The following MYO9A variants were observed in gnomAD, a reference collection of about 807,000 sequenced individuals.
The protein encoded by MYO9A is myosin IXA, also known as unconventional myosin-IXa.
MYO9A carries 103 observed loss-of-function variants against 293.3 expected under a neutral mutation model. The ratio of observed to expected loss-of-function variants is 0.35; its 90% confidence interval spans 0.30 to 0.41. The LOEUF (loss-of-function observed/expected upper bound fraction) is 0.41. MYO9A is among the 10% of genes least tolerant of loss of function. The probability of loss-of-function intolerance (pLI) is 1.00; values close to 1 mark genes in which losing one functional copy is unlikely to be tolerated. For missense variants in MYO9A, 2,685 were observed against 3,033.0 expected, an observed-to-expected ratio of 0.89 and a Z score of 2.69; for synonymous variants, 1,001 against 1,035.7, an observed-to-expected ratio of 0.97 and a Z score of 0.64.
intron 1 of MYO9A, among the ~76,000 whole-genome samples, chr15:72,080,780 A>G (rs2079521279): frequency 6.6e-6 from 1 of 151,844 alleles, no homozygotes; most frequent in South Asian, 2.1e-4. Context: ...CACCTCATCA[A>G]TTAGCTTCCA....
chr15:71,879,786 C>A lies in MYO9A; in HGVS notation c.5674G>T (p.Val1892Leu). The A allele has an allele frequency of 6.2e-7, 1 of 1,613,784 alleles. No individual in the cohort carries two copies. The highest frequency in any genetic ancestry group is 8.5e-7 in the Non-Finnish European group (1 of 1,179,846). The change falls in exon 30 of 42, where the codon GTA becomes TTA. Residue 1892 changes from valine (V) to leucine (L), a missense_variant. Around this residue, in one of 10 missense-constraint regions of MYO9A, gnomAD observed 1,434 missense variants for 1,497.7 expected, o/e 0.96. Coordinates refer to ENST00000356056, the MANE Select transcript of MYO9A (RefSeq NM_006901.4). ...AATTCCTTCAGGGCTTTTTTAAATA[C>A]AACATCCACTAGTGTATCCTTCTTG... ...DSKKDTLVDV[V>L]FKKALKEFRQ...
At chr15:72,059,867 G>A (rs1262262010) in intron 1 of MYO9A, among the ~76,000 whole-genome samples, 1 of 152,130 alleles carries the variant, frequency 6.6e-6, no homozygotes, top group East Asian at 1.9e-4. Flanking sequence ...TTTAAAAATT[G>A]GATAGTATAA....
intron 25 of MYO9A, 36 bp from the exon 26 acceptor site, chr15:71,893,814 T>C (rs764512292): frequency 7.7e-5 from 120 of 1,549,138 alleles, no homozygotes; most frequent in Non-Finnish European, 1.0e-4. Context: ...TTTCAGTTCT[T>C]AGCAGATATC....
At chr15:72,041,139 G>C (rs1481628859) in intron 2 of MYO9A, 1 of 709,236 alleles carries the variant, frequency 1.4e-6, no homozygotes, top group Non-Finnish European at 2.5e-6. Context: ...CACCTATTTG[G>C]GAGGCTGAGG....
chr15:71,986,064 A>C (rs2076400473), intron 11 of MYO9A, among the ~76,000 whole-genome samples: 1 of 152,238 alleles, frequency 6.6e-6, no homozygotes, highest in Non-Finnish European at 1.5e-5. Context: ...TTGGCCCTCC[A>C]TATCTGCAAA....
intron 2 of MYO9A, among the ~76,000 whole-genome samples, chr15:72,034,847 C>T (rs942093405): frequency 6.6e-6 from 1 of 152,230 alleles, no homozygotes; most frequent in African/African-American, 2.4e-5. Context: ...CCCAAGGCTA[C>T]AATGTCAACA....
chr15:71,985,005 C>T (rs1013308609), intron 11 of MYO9A, among the ~76,000 whole-genome samples: 17 of 152,122 alleles, frequency 1.1e-4, no homozygotes, highest in East Asian at 9.6e-4. Flanking sequence ...CTGCAACCTC[C>T]GCCTCCTGGG....
intron 14 of MYO9A, chr15:71,958,857 G>C (rs1237303792): frequency 1.3e-5 from 2 of 152,138 alleles, no homozygotes; most frequent in Non-Finnish European, 2.9e-5. Flanking sequence ...GTAACAACTA[G>C]CTTTCACAAA....
intron 31 of MYO9A, 137 bp downstream of exon 31, chr15:71,877,903 C>T (rs772274558): frequency 1.5e-6 from 1 of 672,334 alleles, no homozygotes; most frequent in Non-Finnish European, 2.4e-6. Flanking sequence ...TAAAGTGGCG[C>T]TAAGTTGACA....
At chr15:72,086,467 G>C (rs990902795) in intron 1 of MYO9A, among the ~76,000 whole-genome samples, 3 of 152,130 alleles carry the variant, frequency 2.0e-5, no homozygotes, top group African/African-American at 7.2e-5. Flanking sequence ...AGGGCTGAAA[G>C]GCTCTGTGCC....
At chr15:71,908,503 T>C (rs2057737738) in intron 19 of MYO9A, among the ~76,000 whole-genome samples, 1 of 152,218 alleles carries the variant, frequency 6.6e-6, no homozygotes, top group Admixed American at 6.5e-5. Context: ...AGCATTTACA[T>C]TGTTAATAAT....
At position 71,899,687 on chromosome 15, in the gene MYO9A, C is replaced by G; in HGVS notation, c.3470G>C (p.Arg1157Thr). 1 of 1,608,810 alleles carries G rather than the reference C, an allele frequency of 6.2e-7. No individual in the cohort carries two copies. Among genetic ancestry groups the G allele is most frequent in the Non-Finnish European group, 8.5e-7 (1 of 1,177,432 alleles). ...CAATTATTATAGTAATAGAGATTACCTTTGTCTTGCTCTGAATCCTCTACA... is the reference window on the plus strand; with the variant it reads ...CAATTATTATAGTAATAGAGATTACGTTTGTCTTGCTCTGAATCCTCTACA... ...STCRGFRARQ[R>T]FKALKEQRLR... Residue 1157 changes from arginine to threonine, a missense_variant and splice_region_variant, in exon 24 of 42, where the codon AGA becomes ACA. Physicochemically the swap from Arg to Thr is moderately conservative, Grantham distance 71 (BLOSUM62 -1). This residue lies in a region of MYO9A where 1,434 missense variants were observed against 1,497.7 expected (regional missense o/e 0.96). Coordinates refer to ENST00000356056, the MANE Select transcript of MYO9A (RefSeq NM_006901.4).
chr15:71,899,728 G>A lies in MYO9A; in HGVS notation c.3429C>T (p.Ile1143=), dbSNP rs150655401. Residue 1143 remains isoleucine, a synonymous_variant, in exon 24 of 42, where the codon ATC becomes ATT. Coordinates refer to ENST00000356056, the MANE Select transcript of MYO9A (RefSeq NM_006901.4). ...ATCCTCTACATGTTGATTGCAAAAG[G>A]ATAATTTTTTTCCTTTGTTCTTGGT... ...KRYQEQRKKI[I]LLQSTCRGFR... 3.2e-4 allele frequency: 522 copies of A among 1,613,970 alleles called. 1 individual carries two copies. The African/African-American group carries it at 5.2e-3, about 16-fold the overall frequency.
chr15:71,910,493 T>A (rs2144414199), intron 19 of MYO9A, among the ~76,000 whole-genome samples: 1 of 152,280 alleles, frequency 6.6e-6, no homozygotes, highest in South Asian at 2.1e-4. Context: ...TATTTCGTTG[T>A]TTCCAGTTTA....
intron 4 of MYO9A, among the ~76,000 whole-genome samples, chr15:72,026,080 T>C (rs1190761252): frequency 6.6e-6 from 1 of 151,726 alleles, no homozygotes; most frequent in Non-Finnish European, 1.5e-5. Flanking sequence ...GAGACCATCC[T>C]GGATAACATG....
intron 39 of MYO9A, among the ~76,000 whole-genome samples, chr15:71,846,125 A>G (rs1218004821): frequency 6.6e-6 from 1 of 152,202 alleles, no homozygotes; most frequent in African/African-American, 2.4e-5. Flanking sequence ...ATTTAGCCAG[A>G]AGATGTAACC....
intron 1 of MYO9A, among the ~76,000 whole-genome samples, chr15:72,068,017 T>C (rs2079072490): frequency 6.6e-6 from 1 of 152,196 alleles, no homozygotes; most frequent in Admixed American, 6.5e-5. Flanking sequence ...TGAAAATACA[T>C]AAAAACTATT....
intron 1 of MYO9A, among the ~76,000 whole-genome samples, chr15:72,054,032 T>C (rs1472686717): frequency 6.6e-6 from 1 of 152,236 alleles, no homozygotes; most frequent in Non-Finnish European, 1.5e-5. Context: ...TTCAACTATC[T>C]GCTGTTTTCA....
chr15:71,836,790 G>T (rs1160852707), intron 39 of MYO9A, among the ~76,000 whole-genome samples: 1 of 151,916 alleles, frequency 6.6e-6, no homozygotes, highest in South Asian at 2.1e-4. Context: ...ACATATTTTG[G>T]TAGCAAACAA....
Sources: allele counts gnomAD v4.1 joint callset (sites outside exome capture counted in the v4.1 genomes callset), GRCh38; gene constraint gnomAD v4.1.1; regional missense constraint gnomAD v4.1.1; transcripts MANE v1.5; gene names NCBI Gene and HGNC (gene_info 2026-07-23, HGNC 2026-07-21).